NCOR2: variants seen among roughly 807,000 people sequenced by gnomAD.
NCOR2 encodes the protein CTG repeat protein 26.
In NCOR2, 81 loss-of-function variants were observed where a neutral mutation model predicts 262.9. The observed-to-expected ratio is 0.31, with a 90% CI of 0.26 to 0.37. The LOEUF is 0.37. Among genes scored for constraint, NCOR2 ranks in the 10% least tolerant of loss-of-function variants. The pLI, the probability that NCOR2 is intolerant of heterozygous loss-of-function variation, is 1.00. For missense variants in NCOR2, 3,385 were observed against 3,621.4 expected (o/e 0.93, Z 1.68); for synonymous variants, 1,659 against 1,559.3 (o/e 1.06, Z -1.51).
At chr12:124,441,291 C>T (rs74771869) in intron 7 of NCOR2, among the ~76,000 whole-genome samples, 2,179 of 152,278 alleles carry the variant, frequency 0.014, 49 homozygotes, top group African/African-American at 0.049. Flanking sequence ...CAAAAGGACA[C>T]AGAACCCAGC....
rs2049920821 is a variant in NCOR2, at chr12:124,517,912, C to G, written c.-118+17653G>C. Reference sequence around the variant, plus strand: ...GCTGCCAGGGGAGGGTCCAGCTGCCCCCATTGGCTGACCTGCGGCCGGCCA... The same window carrying G: ...GCTGCCAGGGGAGGGTCCAGCTGCCGCCATTGGCTGACCTGCGGCCGGCCA... On this transcript the variant is annotated intron_variant, in intron 1 of 46. Transcript: ENST00000404621. The surrounding 1 kb of genome is among the most constrained non-coding windows in gnomAD (Gnocchi z 7.6). Among the ~76,000 whole-genome samples the G allele has an allele frequency of 6.6e-6, 1 of 152,210 alleles. No homozygotes were observed. The highest frequency in any genetic ancestry group is 1.5e-5 in the Non-Finnish European group (1 of 68,046).
intron 8 of NCOR2, among the ~76,000 whole-genome samples, chr12:124,433,865 C>CACACACACACACACACACACACACAA (rs2044143056): frequency 1.7e-5 from 1 of 58,254 alleles, no homozygotes; most frequent in Non-Finnish European, 3.3e-5. Context: ...CACACACACA[C>CACACACACACACACACACACACACAA]ACACACACAC....
chr12:124,326,991 C>T (rs2034717965), intron 45 of NCOR2, among the ~76,000 whole-genome samples: 1 of 152,200 alleles, frequency 6.6e-6, no homozygotes, highest in South Asian at 2.1e-4. Flanking sequence ...ACATAGTGGG[C>T]CTGGCAGATG....
intron 16 of NCOR2, among the ~76,000 whole-genome samples, chr12:124,393,983 G>A (rs1054059879): frequency 2.0e-5 from 3 of 152,266 alleles, no homozygotes; most frequent in African/African-American, 7.2e-5. Flanking sequence ...AGTTCCTCCA[G>A]TTGTCACTGT....
chr12:124,462,142 C>T (rs1418053175), intron 5 of NCOR2, among the ~76,000 whole-genome samples: 1 of 152,220 alleles, frequency 6.6e-6, no homozygotes, highest in Non-Finnish European at 1.5e-5. Flanking sequence ...ACATACCACA[C>T]ATACATCCAC....
intron 17 of NCOR2, chr12:124,383,628 G>A (rs1181798643): frequency 9.6e-6 from 2 of 208,424 alleles, no homozygotes; most frequent in Non-Finnish European, 1.9e-5. Context: ...AGAGTAACTA[G>A]GGCACGTCGC....
intron 9 of NCOR2, 119 bp downstream of exon 11, chr12:124,430,496 A>T: frequency 7.9e-7 from 1 of 1,273,064 alleles, no homozygotes; most frequent in Non-Finnish European, 1.1e-6. Context: ...GGCCCTGGCC[A>T]CTGGCCTGAG....
rs1336629788 is a variant in NCOR2, at chr12:124,348,159, C to T, written c.3985+15G>A. Reference sequence around the variant, plus strand: ...CAGGGGGCACCGAGAGATGAAGTCTCCTCCCTGCTATCACCTTCGATGCTG... The same window carrying T: ...CAGGGGGCACCGAGAGATGAAGTCTTCTCCCTGCTATCACCTTCGATGCTG... On this transcript the variant is annotated intron_variant, in intron 29 of 46. Transcript: ENST00000405201. 11 of 1,608,680 alleles carry T rather than the reference C, an allele frequency of 6.8e-6. No homozygotes were observed. The highest frequency in any genetic ancestry group is 9.3e-6 in the Non-Finnish European group (11 of 1,179,998).
intron 14 of NCOR2, 116 bp downstream of exon 16, chr12:124,402,287 CT>C (rs2042026832): frequency 1.4e-5 from 22 of 1,541,098 alleles, no homozygotes; most frequent in Non-Finnish European, 1.8e-5. Flanking sequence ...GCCCTCCCCC[CT>C]GCTCACAGGC....
chr12:124,455,886 T>G (rs2045820386), intron 6 of NCOR2, among the ~76,000 whole-genome samples: 1 of 152,128 alleles, frequency 6.6e-6, no homozygotes, highest in South Asian at 2.1e-4. Context: ...TCTGTTTCGT[T>G]TTTTTATGAG....
chr12:124,384,102 G>T (rs374714105), intron 17 of NCOR2, among the ~76,000 whole-genome samples: 1 of 152,152 alleles, frequency 6.6e-6, no homozygotes, highest in East Asian at 1.9e-4. Flanking sequence ...GGCCCTTTTT[G>T]TTCCTGGGGA....
intron 1 of NCOR2, among the ~76,000 whole-genome samples, chr12:124,515,093 G>A (rs1016925508): frequency 2.6e-5 from 4 of 152,148 alleles, no homozygotes; most frequent in African/African-American, 4.8e-5. Flanking sequence ...AGCCTGGGAT[G>A]CTCTGGAGCC....
intron 38 of NCOR2, chr12:124,335,993 A>C: frequency 4.1e-6 from 1 of 241,044 alleles, no homozygotes; most frequent in Non-Finnish European, 8.1e-6. Context: ...GCGGAGTGAG[A>C]AGTGGGGGTG....
exon 27 of NCOR2, chr12:124,354,134 G>A (rs2037747647): frequency 6.2e-7 from 1 of 1,610,320 alleles, no homozygotes; most frequent in Non-Finnish European, 8.5e-7. Context: ...CTGTCCGAGG[G>A]CACCCGTGTG....
chr12:124,562,601 T>C (rs1355807254), intron 1 of NCOR2, among the ~76,000 whole-genome samples: 1 of 152,068 alleles, frequency 6.6e-6, no homozygotes, highest in Admixed American at 6.5e-5. Flanking sequence ...CACTAAGTGA[T>C]TAAAGACTAA....
exon 11 of NCOR2, chr12:124,426,731 T>C (rs998781124): frequency 1.1e-5 from 18 of 1,611,078 alleles, no homozygotes; most frequent in Non-Finnish European, 1.4e-5. Context: ...ATGAACTTGA[T>C]GCGCTGCTGG....
intron 13 of NCOR2, among the ~76,000 whole-genome samples, chr12:124,411,687 T>C (rs1336740118): frequency 6.6e-6 from 1 of 152,242 alleles, no homozygotes; most frequent in Non-Finnish European, 1.5e-5. Flanking sequence ...CATCAATGAA[T>C]CATGGACTAT....
At chr12:124,553,108 C>T (rs2051766277) in intron 1 of NCOR2, among the ~76,000 whole-genome samples, 1 of 152,238 alleles carries the variant, frequency 6.6e-6, no homozygotes, top group Admixed American at 6.5e-5. Flanking sequence ...ACCTGTCCAT[C>T]ACCCTTTATG....
At chr12:124,396,876 G>A (rs1484840019) in intron 16 of NCOR2, among the ~76,000 whole-genome samples, 3 of 152,198 alleles carry the variant, frequency 2.0e-5, no homozygotes, top group East Asian at 1.9e-4. Context: ...TGCCAAGAGC[G>A]TTTGCTATAA....
Sources: gnomAD v4.1 joint callset for allele counts (sites outside exome capture counted in the v4.1 genomes callset) on GRCh38, gnomAD v4.1.1 for gene constraint, Gnocchi (gnomAD v3.1) non-coding constraint, MANE v1.5 for transcripts, NCBI Gene and HGNC (gene_info 2026-07-23, HGNC 2026-07-21) for gene names.